ZNF560: variants seen among roughly 807,000 people sequenced by gnomAD.
The protein encoded by ZNF560 is zinc finger protein 560.
A neutral mutation model predicts 81.8 loss-of-function variants in ZNF560; 54 were observed. That is an observed-to-expected ratio of 0.66 (90% CI 0.53 to 0.83). The LOEUF (loss-of-function observed/expected upper bound fraction) is 0.83. ZNF560 is among the 40% of genes least tolerant of loss of function. The probability of loss-of-function intolerance (pLI) is 0.00; values close to 1 mark genes in which losing one functional copy is unlikely to be tolerated. For synonymous variants in ZNF560, 321 were observed against 317.9 expected (o/e 1.01, Z -0.10); for missense variants, 940 against 932.4 (o/e 1.01, Z -0.11).
chr19:9,475,449 G>A, intron 2 of ZNF560, 80 bp from the exon 3 acceptor site: 1 of 761,620 alleles, frequency 1.3e-6, no homozygotes, highest in Non-Finnish European at 2.1e-6. Context: ...TTCCAACCTG[G>A]TTCGAAATTC....
chr19:9,490,306 C>T (rs1254519859), intron 2 of ZNF560, among the ~76,000 whole-genome samples: 1 of 152,202 alleles, frequency 6.6e-6, no homozygotes. Flanking sequence ...GATGAGTTCC[C>T]TGTTTCAATG....
chr19:9,484,073 T>C (rs1196652040), intron 2 of ZNF560, among the ~76,000 whole-genome samples: 1 of 152,144 alleles, frequency 6.6e-6, no homozygotes, highest in East Asian at 1.9e-4. Flanking sequence ...TGTGCTTTGT[T>C]AAACAGATGC....
Position 9,470,261 on chromosome 19 carries a change from A to T in ZNF560, c.448+131T>A. The stretch of plus-strand genomic sequence containing the variant: ...TCTGTTATTTCCTATTTTACTCATT[A>T]AAAAAAATTTTTTTTCAGTGTGTAT... On this transcript the variant is annotated intron_variant, in intron 7 of 9. Transcript: ENST00000301480. 4.3e-6 allele frequency: 5 copies of T among 1,165,084 alleles called. 1 individual carries two copies. The highest frequency in any genetic ancestry group is 3.3e-5 in the South Asian group (2 of 59,958). 72.2% of individuals were successfully genotyped at this position (1,165,084 alleles called of 1,614,324 possible).
chr19:9,482,544 T>G (rs916183168), intron 2 of ZNF560, among the ~76,000 whole-genome samples: 1 of 151,880 alleles, frequency 6.6e-6, no homozygotes, highest in Non-Finnish European at 1.5e-5. Context: ...GAGGATCACT[T>G]GAGACCAGGA....
At chr19:9,454,665 T>C in the ZNF560 span, among the ~76,000 whole-genome samples, 3 of 152,126 alleles carry the variant, frequency 2.0e-5, no homozygotes, top group Non-Finnish European at 4.4e-5. Flanking sequence ...TAGAGAAATA[T>C]TGCCCCTGGT....
At chr19:9,463,871 T>A (rs1192965129), downstream of ZNF560, among the ~76,000 whole-genome samples, 1 of 152,126 alleles carries the variant, frequency 6.6e-6, no homozygotes, top group African/African-American at 2.4e-5. Flanking sequence ...TTTGTAGAGA[T>A]AGGGTTTTGC....
chr19:9,476,616 C>A (rs557598935), intron 2 of ZNF560, among the ~76,000 whole-genome samples: 19 of 152,222 alleles, frequency 1.2e-4, no homozygotes, highest in African/African-American at 4.1e-4. Flanking sequence ...AAGTATGTGG[C>A]ATTTCCCCGG....
the ZNF560 span, among the ~76,000 whole-genome samples, chr19:9,446,720 A>G: frequency 6.6e-6 from 1 of 152,226 alleles, no homozygotes; most frequent in East Asian, 1.9e-4. Context: ...TACACATTAC[A>G]CAAAGCGAAT....
chr19:9,469,230 A>T (rs780496014), intron 8 of ZNF560, 43 bp from the exon 9 acceptor site: 2 of 1,418,208 alleles, frequency 1.4e-6, no homozygotes, highest in Admixed American at 4.9e-5. Flanking sequence ...TTACACATGA[A>T]ATGGTAGGTT....
At chr19:9,481,881 C>G (rs537106192) in intron 2 of ZNF560, among the ~76,000 whole-genome samples, 4 of 152,334 alleles carry the variant, frequency 2.6e-5, no homozygotes, top group Admixed American at 2.6e-4. Flanking sequence ...CCTCAAGGAT[C>G]TAGAACTAGA....
Position 9,473,221 on chromosome 19 carries a change from C to A in ZNF560, c.196G>T (p.Glu66Ter), listed in dbSNP as rs551029058. 6.2e-7 allele frequency: 1 copy of A among 1,612,920 alleles called. No homozygotes were observed. The highest frequency in any genetic ancestry group is 1.1e-5 in the South Asian group (1 of 90,872). Reference protein sequence around the residue: ...LFKPSVISWLEEEELRTLQQG... With the variant: ...LFKPSVISWL Reference sequence around the variant, plus strand: ...TGCAAGGTTCTCAACTCTTCTTCTTCCAACCAAGAGATGACACTGGGTTTA... The same window carrying A: ...TGCAAGGTTCTCAACTCTTCTTCTTACAACCAAGAGATGACACTGGGTTTA... The change falls in exon 5 of 10, where the codon GAA (glutamate) becomes TAA (stop). Residue 66 changes from glutamate to a stop codon, truncating the protein, a stop_gained. Transcript: ENST00000301480. LOFTEE classifies it high-confidence loss of function.
rs757295752 is a variant in ZNF560 at position 9,467,279 on chromosome 19, G to A, written c.1668C>T (p.Cys556=). 1 of 1,614,058 alleles carries A rather than the reference G, an allele frequency of 6.2e-7. No homozygotes were observed. The highest frequency in any genetic ancestry group is 1.7e-5 in the Admixed American group (1 of 60,002). ...CKKCGKAFTK[C]SYLTKHLRTH... is the part of the protein sequence containing the mutation. Reference sequence around the variant, plus strand: ...TTCGTAAATGTTTGGTAAGATATGAGCACTTAGTGAAAGCTTTACCACATT... The same window carrying A: ...TTCGTAAATGTTTGGTAAGATATGAACACTTAGTGAAAGCTTTACCACATT... Residue 556 remains cysteine, a synonymous_variant, in exon 10 of 10, where the codon TGC becomes TGT. Coordinates refer to ENST00000301480, the MANE Select transcript of ZNF560 (RefSeq NM_152476.3).
downstream of ZNF560, among the ~76,000 whole-genome samples, chr19:9,465,547 T>G (rs945147246): frequency 8.5e-5 from 13 of 152,188 alleles, no homozygotes; most frequent in Admixed American, 8.5e-4. Flanking sequence ...TGGAGCATCA[T>G]CAGAGTGTAA....
the ZNF560 span, among the ~76,000 whole-genome samples, chr19:9,504,926 A>C: frequency 3.9e-5 from 6 of 152,288 alleles, no homozygotes; most frequent in South Asian, 1.2e-3. Context: ...CTCTACTAAA[A>C]GTACAAAAAT....
downstream of ZNF560, among the ~76,000 whole-genome samples, chr19:9,465,127 T>TG (rs2072994116): frequency 6.9e-6 from 1 of 145,076 alleles, no homozygotes; most frequent in Admixed American, 6.8e-5. Context: ...TGAAAGCTAT[T>TG]GATTTTTTTT....
At chr19:9,493,225 G>A in intron 2 of ZNF560, among the ~76,000 whole-genome samples, 1 of 143,806 alleles carries the variant, frequency 7.0e-6, no homozygotes, top group Admixed American at 7.1e-5. Context: ...CACTCCATCA[G>A]GTACAGAGCC....
At chr19:9,484,513 G>A (rs998826935) in intron 2 of ZNF560, among the ~76,000 whole-genome samples, 2 of 151,942 alleles carry the variant, frequency 1.3e-5, no homozygotes, top group African/African-American at 4.8e-5. Flanking sequence ...AGAGTATGGT[G>A]GCTCACACCT....
intron 2 of ZNF560, among the ~76,000 whole-genome samples, chr19:9,491,237 C>T (rs2144725247): frequency 6.6e-6 from 1 of 152,192 alleles, no homozygotes; most frequent in South Asian, 2.1e-4. Flanking sequence ...CTCAGCCTCC[C>T]AAGCATCTGG....
Position 9,468,446 on chromosome 19 carries a change from T to C in ZNF560, c.613-112A>G, listed in dbSNP as rs1291677222. 7.9e-6 allele frequency: 6 copies of C among 757,546 alleles called. No individual in the cohort carries two copies. In the East Asian group the frequency reaches 1.7e-4, roughly 21 times the overall value. 46.9% of individuals were successfully genotyped at this position (757,546 alleles called of 1,614,324 possible). On this transcript the variant is annotated intron_variant, in intron 9 of 9. Transcript: ENST00000301480. ...ATTTTTGCCACTTTTATAACATGCA[T>C]ATAGTTTCTACCTTTTGGATTTCCT... is the stretch of plus-strand genomic sequence containing the variant.
Sources: gnomAD v4.1 joint callset for allele counts (sites outside exome capture counted in the v4.1 genomes callset) on GRCh38, gnomAD v4.1.1 for gene constraint, MANE v1.5 for transcripts, NCBI Gene and HGNC (gene_info 2026-07-23, HGNC 2026-07-21) for gene names.